The following ARFGEF3 variants were observed in gnomAD, a reference collection of about 807,000 sequenced individuals.
The protein encoded by ARFGEF3 is brefeldin A-inhibited guanine nucleotide-exchange protein 3.
Under a neutral mutation model 221.7 loss-of-function variants are expected in ARFGEF3, and 96 were observed. That is an observed-to-expected ratio of 0.43 (90% CI 0.37 to 0.51). The LOEUF (loss-of-function observed/expected upper bound fraction) is 0.51. ARFGEF3 is among the 20% of genes least tolerant of loss of function. ARFGEF3 has a pLI of 0.00. For missense variants in ARFGEF3, 2,410 were observed against 2,789.9 expected (o/e 0.86, Z 3.07); for synonymous variants, 1,145 against 1,126.8 (o/e 1.02, Z -0.32).
Position 138,334,902 on chromosome 6 carries a change from A to G in ARFGEF3, c.6056A>G (p.Asp2019Gly), listed in dbSNP as rs1310463399. Reference protein sequence around the residue: ...AGNKIYTMAADKTISKLMTEY... With the variant: ...AGNKIYTMAAGKTISKLMTEY... ...AACAAAATCTACACCATGGCAGCCG[A>G]CAAGACCATTTCAAAGTTGATGACC... The change falls in exon 33 of 34, where the codon GAC becomes GGC. Residue 2019 changes from aspartate to glycine, a missense_variant. Coordinates refer to ENST00000251691, the MANE Select transcript of ARFGEF3 (RefSeq NM_020340.5). The surrounding 1 kb of genome is among the most constrained non-coding windows in gnomAD (Gnocchi z 5.1). 1 of 1,591,516 alleles carries G rather than the reference A, an allele frequency of 6.3e-7. No individual in the cohort carries two copies. Among genetic ancestry groups the G allele is most frequent in the Non-Finnish European group, 8.5e-7 (1 of 1,169,780 alleles).
At chr6:138,180,018 G>T (rs756160643) in intron 2 of ARFGEF3, among the ~76,000 whole-genome samples, 1 of 152,142 alleles carries the variant, frequency 6.6e-6, no homozygotes, top group Non-Finnish European at 1.5e-5. Context: ...TTGCTATGTT[G>T]CCCATGCTGA....
intron 20 of ARFGEF3, among the ~76,000 whole-genome samples, chr6:138,295,060 A>G (rs1202511082): frequency 6.6e-6 from 1 of 152,220 alleles, no homozygotes; most frequent in Non-Finnish European, 1.5e-5. Context: ...AGACTTTCAG[A>G]GAATCTCTGA....
intron 4 of ARFGEF3, among the ~76,000 whole-genome samples, chr6:138,213,073 G>A (rs1777762684): frequency 6.6e-6 from 1 of 151,976 alleles, no homozygotes; most frequent in African/African-American, 2.4e-5. Context: ...GGGCTCACGA[G>A]GTCAGGAGAT....
chr6:138,256,959 A>G (rs1344342595), intron 10 of ARFGEF3, among the ~76,000 whole-genome samples: 1 of 151,836 alleles, frequency 6.6e-6, no homozygotes, highest in Non-Finnish European at 1.5e-5. Context: ...TAATTTTTGT[A>G]TTTTTTGTAG....
In ARFGEF3 at chr6:138,285,414, A is replaced by G. The variant is rs1779269233; in HGVS notation, c.2462-532A>G. Among the ~76,000 whole-genome samples the G allele has an allele frequency of 1.3e-5, 2 of 151,292 alleles. 1 individual carries two copies. The highest frequency in any genetic ancestry group is 4.2e-4 in the South Asian group (2 of 4,784). ...TGCAGCAGTGAGCCGAGATCACGCCACTGCACTCCAGCCTGGGCGACAGAG... is the reference window on the plus strand; with the variant it reads ...TGCAGCAGTGAGCCGAGATCACGCCGCTGCACTCCAGCCTGGGCGACAGAG... On this transcript the variant is annotated intron_variant, in intron 14 of 33. Transcript: ENST00000251691.
At chr6:138,254,537 C>G (rs1778640060) in intron 9 of ARFGEF3, among the ~76,000 whole-genome samples, 1 of 152,050 alleles carries the variant, frequency 6.6e-6, no homozygotes, top group South Asian at 2.1e-4. Flanking sequence ...CAAGACTAGC[C>G]TGGCCAACAC....
intron 19 of ARFGEF3, among the ~76,000 whole-genome samples, chr6:138,293,089 G>A (rs1410789049): frequency 1.3e-5 from 2 of 152,184 alleles, no homozygotes; most frequent in East Asian, 3.8e-4. Flanking sequence ...AAACTTGCGT[G>A]TCTCATTTTC....
At chr6:138,281,362 T>G (rs1248623236) in intron 14 of ARFGEF3, among the ~76,000 whole-genome samples, 1 of 152,216 alleles carries the variant, frequency 6.6e-6, no homozygotes, top group Non-Finnish European at 1.5e-5. Flanking sequence ...ATGTGCAGGT[T>G]TGTTACCTGG....
chr6:138,204,298 A>G (rs1242883692), intron 2 of ARFGEF3, among the ~76,000 whole-genome samples: 2 of 139,540 alleles, frequency 1.4e-5, no homozygotes, highest in African/African-American at 5.4e-5. Flanking sequence ...AGATCGCGCC[A>G]TTGCACTCCA....
chr6:138,187,836 A>G (rs1777215752), intron 2 of ARFGEF3, among the ~76,000 whole-genome samples: 1 of 152,154 alleles, frequency 6.6e-6, no homozygotes, highest in Non-Finnish European at 1.5e-5. Flanking sequence ...ACCCTACTAA[A>G]AAGGCATCGG....
chr6:138,339,073 C>G lies in ARFGEF3; in HGVS notation c.*2587C>G, dbSNP rs1435179681. On this transcript the variant is annotated 3_prime_UTR_variant, in exon 34 of 34. Coordinates refer to ENST00000251691, the MANE Select transcript of ARFGEF3 (RefSeq NM_020340.5). ...TTCTCTATAACTCAGTCCTAACATA[C>G]TCTGCACTCGAGTTACCAGCCATCC... The G allele has an allele frequency of 1.3e-5, 2 of 152,258 alleles. No homozygotes were observed. Among genetic ancestry groups the G allele is most frequent in the African/African-American group, 4.8e-5 (2 of 41,436 alleles). 9.4% of individuals were successfully genotyped at this position (152,258 alleles called of 1,614,324 possible).
At chr6:138,245,696 C>A in intron 8 of ARFGEF3, 105 bp downstream of exon 8, 2 of 855,814 alleles carry the variant, frequency 2.3e-6, no homozygotes, top group South Asian at 2.9e-5. Context: ...ATTATAGGGA[C>A]AATAGTTTCC....
At chr6:138,188,809 A>C (rs1340901278) in intron 2 of ARFGEF3, among the ~76,000 whole-genome samples, 1 of 152,154 alleles carries the variant, frequency 6.6e-6, no homozygotes, top group Non-Finnish European at 1.5e-5. Context: ...TGCAGGCTGG[A>C]AGAGGGAGGT....
intron 5 of ARFGEF3, among the ~76,000 whole-genome samples, chr6:138,236,479 G>A (rs1332368768): frequency 1.3e-5 from 2 of 152,158 alleles, no homozygotes; most frequent in African/African-American, 4.8e-5. Context: ...GCATTTCAGG[G>A]TTAAAACACC....
intron 15 of ARFGEF3, 107 bp from the exon 16 acceptor site, chr6:138,286,594 T>G: frequency 2.5e-6 from 2 of 808,266 alleles, no homozygotes; most frequent in Non-Finnish European, 4.2e-6. Context: ...TGTTGTAGAA[T>G]TGCATGCAAC....
chr6:138,324,271 C>T, intron 31 of ARFGEF3, 117 bp downstream of exon 31: 1 of 1,197,658 alleles, frequency 8.3e-7, no homozygotes. Context: ...GGACATACAC[C>T]TTGTAGCTCC....
intron 12 of ARFGEF3, among the ~76,000 whole-genome samples, chr6:138,271,833 C>A (rs1779008419): frequency 6.6e-6 from 1 of 152,180 alleles, no homozygotes; most frequent in Non-Finnish European, 1.5e-5. Flanking sequence ...TGCTAACTTA[C>A]CACAATGTAC....
intron 4 of ARFGEF3, among the ~76,000 whole-genome samples, chr6:138,220,613 T>G (rs1246626437): frequency 6.6e-6 from 1 of 152,216 alleles, no homozygotes; most frequent in Non-Finnish European, 1.5e-5. Flanking sequence ...ATGAACTACT[T>G]GTACAATGGA....
chr6:138,319,435 G>A (rs890746210), intron 27 of ARFGEF3, among the ~76,000 whole-genome samples: 1 of 152,014 alleles, frequency 6.6e-6, no homozygotes, highest in Admixed American at 6.6e-5. Flanking sequence ...GGTCCTAGGA[G>A]TTGAGCAGGT....
Sources: gnomAD v4.1 joint callset for allele counts (sites outside exome capture counted in the v4.1 genomes callset) on GRCh38, gnomAD v4.1.1 for gene constraint, Gnocchi (gnomAD v3.1) non-coding constraint, MANE v1.5 for transcripts, NCBI Gene and HGNC (gene_info 2026-07-23, HGNC 2026-07-21) for gene names.